ANKMY1: variants seen among roughly 807,000 people sequenced by gnomAD.
ANKMY1 encodes ankyrin repeat and MYND domain containing 1, also known as ankyrin repeat and MYND domain-containing protein 1.
ANKMY1 carries 98 observed loss-of-function variants against 102.0 expected under a neutral mutation model. The ratio of observed to expected loss-of-function variants is 0.96; its 90% CI spans 0.82 to 1.14. The LOEUF (loss-of-function observed/expected upper bound fraction) is 1.14. Ranked by LOEUF, ANKMY1 falls within the 50% of genes most tolerant of loss-of-function variation. The pLI is 0.00. For synonymous variants in ANKMY1, 582 were observed against 559.9 expected (o/e 1.04, Z -0.56); for missense variants, 1,330 against 1,347.6 (o/e 0.99, Z 0.20).
chr2:240,477,370 TC>T (rs1288340249), downstream of ANKMY1, among the ~76,000 whole-genome samples: 2 of 152,200 alleles, frequency 1.3e-5, no homozygotes, highest in African/African-American at 4.8e-5. Flanking sequence ...AGAATGCTTA[TC>T]CCTGAATTTT....
chr2:240,519,333 G>T (rs2081727220), intron 9 of ANKMY1, among the ~76,000 whole-genome samples: 1 of 152,154 alleles, frequency 6.6e-6, no homozygotes, highest in Non-Finnish European at 1.5e-5. Flanking sequence ...AATACAAAGA[G>T]AAAGAATGAC....
chr2:240,477,754 AT>A (rs2074951948), downstream of ANKMY1, among the ~76,000 whole-genome samples: 1 of 152,220 alleles, frequency 6.6e-6, no homozygotes. Flanking sequence ...ATAATAAAAA[AT>A]AAAGCTATAT....
At chr2:240,537,501 A>C (rs947511131) in intron 4 of ANKMY1, among the ~76,000 whole-genome samples, 1 of 152,192 alleles carries the variant, frequency 6.6e-6, no homozygotes, top group African/African-American at 2.4e-5. Context: ...CTCTGGCTGC[A>C]GTCCTCAAAC....
chr2:240,520,556 G>GGGCCCCTGGAGGGCA lies in ANKMY1; in HGVS notation c.1833-38_1833-24dup. 1 of 1,601,280 alleles carries GGGCCCCTGGAGGGCA rather than the reference G, an allele frequency of 6.2e-7. No homozygotes were observed. The highest frequency in any genetic ancestry group is 8.5e-7 in the Non-Finnish European group (1 of 1,173,446). On this transcript the variant is annotated intron_variant, in intron 8 of 17. Transcript: ENST00000401804. The surrounding 1 kb of genome is among the most constrained non-coding windows in gnomAD (Gnocchi z 4.8). ...CGCCTGAAAAAGACGGTGCGCCCGT[G>GGGCCCCTGGAGGGCA]GGCCCCTGGAGGGCAGGCACCTGCA...
chr2:240,472,091 C>T, the ANKMY1 span, among the ~76,000 whole-genome samples: 1 of 152,098 alleles, frequency 6.6e-6, no homozygotes, highest in Non-Finnish European at 1.5e-5. Flanking sequence ...AGTTAGGCCA[C>T]AAAATCCCAA....
At chr2:240,522,003 T>C (rs1213048613) in intron 8 of ANKMY1, 2 of 152,254 alleles carry the variant, frequency 1.3e-5, no homozygotes, top group Admixed American at 1.3e-4. Flanking sequence ...GAAAGGAAAC[T>C]AAGCAGGTTG....
intron 9 of ANKMY1, among the ~76,000 whole-genome samples, chr2:240,517,858 C>G (rs1285156711): frequency 6.6e-6 from 1 of 152,134 alleles, no homozygotes; most frequent in Non-Finnish European, 1.5e-5. Context: ...GGTAATCAGG[C>G]CACTGAAGCT....
chr2:240,526,143 C>A, intron 6 of ANKMY1, 86 bp downstream of exon 6: 1 of 1,497,000 alleles, frequency 6.7e-7, no homozygotes, highest in African/African-American at 1.4e-5. Flanking sequence ...TCTGCTCCTG[C>A]AGAGGGGGCC....
chr2:240,557,162 G>GACCTCCCCGCTGGAGGGTCCC (rs1222294338), intron 2 of ANKMY1, 28 bp downstream of exon 2: 4 of 1,442,220 alleles, frequency 2.8e-6, no homozygotes, highest in Non-Finnish European at 3.7e-6. Context: ...GTCAGGGTCG[G>GACCTCCCCGCTGGAGGGTCCC]ACCTCCCCGC....
rs1289741385 is a variant in ANKMY1, at chr2:240,553,067, G to A, written c.337-10C>T. On this transcript the variant is annotated splice_polypyrimidine_tract_variant and intron_variant, in intron 3 of 17. Transcript: ENST00000401804. ...ACTGCCCATGGTATGACTGTGAGATGGAGAAGTTGGTGAGAAATTGCTGCT... is the reference window on the plus strand; with the variant it reads ...ACTGCCCATGGTATGACTGTGAGATAGAGAAGTTGGTGAGAAATTGCTGCT... 3 of 1,610,680 alleles carry A rather than the reference G, an allele frequency of 1.9e-6. No homozygotes were observed. Among genetic ancestry groups the A allele is most frequent in the Non-Finnish European group, 2.5e-6 (3 of 1,177,434 alleles).
At position 240,512,748 on chromosome 2, in the gene ANKMY1, C is replaced by T. The variant is rs570932156; in HGVS notation, c.2145+54G>A. 5.8e-6 allele frequency: 9 copies of T among 1,560,860 alleles called. No homozygotes were observed. The East Asian group carries it at 1.6e-4, about 28-fold the overall frequency. On this transcript the variant is annotated intron_variant, in intron 10 of 17. Transcript: ENST00000401804. ...GGCTAGGCAGAGTGTGTGAATCCAT[C>T]CAGGCACACCTGGCCAAGGCCCCAT...
intron 15 of ANKMY1, among the ~76,000 whole-genome samples, chr2:240,496,768 C>T (rs1028643852): frequency 6.6e-6 from 1 of 152,162 alleles, no homozygotes; most frequent in African/African-American, 2.4e-5. Context: ...GCTGATTGTT[C>T]ATAATTTGCA....
chr2:240,473,943 T>C, the ANKMY1 span, among the ~76,000 whole-genome samples: 2 of 152,316 alleles, frequency 1.3e-5, no homozygotes, highest in South Asian at 2.1e-4. Context: ...GCATTTCCTC[T>C]AAGATCACGA....
downstream of ANKMY1, among the ~76,000 whole-genome samples, chr2:240,476,969 T>A (rs1012002473): frequency 3.3e-5 from 5 of 152,242 alleles, no homozygotes; most frequent in African/African-American, 1.2e-4. Context: ...TAGGAGAAGT[T>A]GCTGTGCTTT....
chr2:240,504,399 G>A (rs2078713057), intron 13 of ANKMY1, among the ~76,000 whole-genome samples: 1 of 152,100 alleles, frequency 6.6e-6, no homozygotes, highest in African/African-American at 2.4e-5. Context: ...AGAAAACACA[G>A]GAAGAAGCTT....
chr2:240,541,138 T>C (rs1365042878), intron 4 of ANKMY1, among the ~76,000 whole-genome samples: 3 of 152,190 alleles, frequency 2.0e-5, no homozygotes, highest in African/African-American at 4.8e-5. Context: ...GAGGGCTTGT[T>C]TGTAACTGTG....
intron 15 of ANKMY1, among the ~76,000 whole-genome samples, chr2:240,491,045 A>G (rs1301211061): frequency 6.8e-6 from 1 of 148,048 alleles, no homozygotes; most frequent in Non-Finnish European, 1.5e-5. Flanking sequence ...GCATTGTTAT[A>G]TCCTCTTGCT....
At chr2:240,485,610 G>A (rs1244868375) in intron 15 of ANKMY1, among the ~76,000 whole-genome samples, 2 of 149,148 alleles carry the variant, frequency 1.3e-5, no homozygotes, top group Admixed American at 6.7e-5. Flanking sequence ...TTCTTTTTGA[G>A]ACAGGTTCTC....
intron 9 of ANKMY1, among the ~76,000 whole-genome samples, chr2:240,518,417 T>C (rs1013847408): frequency 1.3e-5 from 2 of 152,152 alleles, no homozygotes; most frequent in Admixed American, 6.5e-5. Flanking sequence ...CACGTGGTTA[T>C]ATTTCTTCCC....
Sources: gnomAD v4.1 joint callset for allele counts (sites outside exome capture counted in the v4.1 genomes callset) on GRCh38, gnomAD v4.1.1 for gene constraint, Gnocchi (gnomAD v3.1) non-coding constraint, MANE v1.5 for transcripts, NCBI Gene and HGNC (gene_info 2026-07-23, HGNC 2026-07-21) for gene names.